EFHC1: variants seen among roughly 807,000 people sequenced by gnomAD.
EFHC1 encodes the protein EF-hand domain-containing protein 1.
EFHC1 carries 53 observed loss-of-function variants against 69.9 expected under a neutral mutation model. That is an observed-to-expected ratio of 0.76 (90% CI 0.61 to 0.95). The LOEUF is 0.95. EFHC1 is among the 40% of genes least tolerant of loss of function. EFHC1 has a pLI of 0.00. For synonymous variants in EFHC1, 256 were observed against 278.4 expected (o/e 0.92, Z 0.80); for missense variants, 739 against 798.7 (o/e 0.93, Z 0.90).
chr6:52,494,154 AT>A lies in EFHC1; in HGVS notation c.*1814del. On this transcript the variant is annotated 3_prime_UTR_variant, in exon 11 of 11. Transcript: ENST00000371068. ...CTCAATAAACTCACGTAAGTAAAAA[AT>A]ATCACAAGTTGAAAACACATTTAAT... 2 of 454,102 alleles carry A rather than the reference AT, an allele frequency of 4.4e-6. No individual in the cohort carries two copies. The highest frequency in any genetic ancestry group is 1.6e-5 in the South Asian group (1 of 64,478). The allele number at this position is 454,102 out of a possible 1,614,324, so 28.1% of individuals were successfully genotyped here.
intron 9 of EFHC1, among the ~76,000 whole-genome samples, chr6:52,480,685 G>A (rs1237436240): frequency 6.6e-6 from 1 of 152,124 alleles, no homozygotes; most frequent in African/African-American, 2.4e-5. Flanking sequence ...AACACTTGAG[G>A]GGAGTTAGCT....
chr6:52,422,037 C>A (rs1764202151), intron 1 of EFHC1, among the ~76,000 whole-genome samples: 2 of 152,146 alleles, frequency 1.3e-5, no homozygotes, highest in African/African-American at 2.4e-5. Flanking sequence ...AAAGCATCGT[C>A]AGTATATCTT....
At chr6:52,439,522 C>T (rs1234276925) in intron 3 of EFHC1, among the ~76,000 whole-genome samples, 1 of 152,104 alleles carries the variant, frequency 6.6e-6, no homozygotes, top group East Asian at 1.9e-4. Context: ...TTCTCCTTTC[C>T]TTGCATGTTA....
intron 3 of EFHC1, among the ~76,000 whole-genome samples, chr6:52,441,511 A>G (rs1257408973): frequency 2.0e-5 from 3 of 152,088 alleles, no homozygotes; most frequent in African/African-American, 4.8e-5. Context: ...GTAGCCCTGT[A>G]GTATAGTTTG....
intron 2 of EFHC1, among the ~76,000 whole-genome samples, chr6:52,437,969 G>T (rs749610741): frequency 2.6e-5 from 4 of 152,052 alleles, no homozygotes; most frequent in African/African-American, 9.7e-5. Flanking sequence ...ACAAAAAAGC[G>T]TAAATTATTT....
chr6:52,443,270 G>A (rs899937942), intron 3 of EFHC1, among the ~76,000 whole-genome samples: 3 of 152,190 alleles, frequency 2.0e-5, no homozygotes, highest in African/African-American at 7.2e-5. Flanking sequence ...TTATTTTGCT[G>A]TGCAGAAGCT....
At chr6:52,484,620 C>T (rs929874190) in intron 9 of EFHC1, 1 of 152,144 alleles carries the variant, frequency 6.6e-6, no homozygotes, top group Non-Finnish European at 1.5e-5. Flanking sequence ...AGTAAAAAGA[C>T]AAATAATGAC....
chr6:52,464,587 C>T (rs570981237), intron 5 of EFHC1, among the ~76,000 whole-genome samples: 1 of 152,288 alleles, frequency 6.6e-6, no homozygotes, highest in East Asian at 1.9e-4. Flanking sequence ...TACAGAAGGA[C>T]ATTTGTTCTT....
intron 2 of EFHC1, among the ~76,000 whole-genome samples, chr6:52,428,639 A>G (rs927765663): frequency 2.0e-5 from 3 of 152,232 alleles, no homozygotes; most frequent in African/African-American, 7.2e-5. Flanking sequence ...TTGTGCTGCT[A>G]TAAACATGCA....
At chr6:52,422,809 G>A (rs940965165) in intron 1 of EFHC1, among the ~76,000 whole-genome samples, 9 of 151,948 alleles carry the variant, frequency 5.9e-5, no homozygotes, top group Non-Finnish European at 1.2e-4. Flanking sequence ...TAATACAGAG[G>A]ACCAAACCAG....
intron 7 of EFHC1, among the ~76,000 whole-genome samples, chr6:52,473,664 C>A (rs1008562362): frequency 3.3e-5 from 5 of 152,066 alleles, no homozygotes; most frequent in Non-Finnish European, 7.4e-5. Context: ...CGCCTGTAGT[C>A]CCAGCCACTT....
rs1310498032 is a variant in EFHC1, at chr6:52,492,946, C to T, written c.*605C>T. ...ATATTTCATTATTCTGGGGGTTTCT[C>T]TGAAGGTATTTTTCGATGAGATAAA... On this transcript the variant is annotated 3_prime_UTR_variant, in exon 11 of 11. Coordinates refer to ENST00000371068, the MANE Select transcript of EFHC1 (RefSeq NM_018100.4). 2.2e-6 allele frequency: 1 copy of T among 454,086 alleles called. No homozygotes were observed. Among genetic ancestry groups the T allele is most frequent in the East Asian group, 6.9e-5 (1 of 14,400 alleles). The allele number at this position is 454,086 out of a possible 1,614,324, so 28.1% of individuals were successfully genotyped here.
At chr6:52,476,071 T>C (rs1562461094) in intron 7 of EFHC1, among the ~76,000 whole-genome samples, 1 of 151,772 alleles carries the variant, frequency 6.6e-6, no homozygotes, top group Non-Finnish European at 1.5e-5. Context: ...GTGCAGTGAA[T>C]GGAGGGCAAA....
chr6:52,443,647 ATC>A lies in EFHC1; in HGVS notation c.573+5060_573+5061del, dbSNP rs534013424. 1.5e-3 allele frequency among the ~76,000 whole-genome samples: 233 copies of A among 152,234 alleles called. 1 individual carries two copies. The highest frequency in any genetic ancestry group is 5.5e-3 in the African/African-American group (228 of 41,544). ...GCTCTGTTCTGTTCCATTGGTCTAT[ATC>A]TCTGTTTTGGTACCAGTACCATGTT... On this transcript the variant is annotated intron_variant, in intron 3 of 10. Transcript: ENST00000371068.
chr6:52,461,117 GT>G, intron 5 of EFHC1, among the ~76,000 whole-genome samples: 1 of 152,024 alleles, frequency 6.6e-6, no homozygotes, highest in South Asian at 2.1e-4. Context: ...GTGCAGGTTT[GT>G]TTTATGAGTG....
chr6:52,467,184 T>C (rs1053134927), intron 6 of EFHC1, among the ~76,000 whole-genome samples: 1 of 149,122 alleles, frequency 6.7e-6, no homozygotes, highest in Non-Finnish European at 1.5e-5. Flanking sequence ...ACTTTGACTT[T>C]TTTTTTTTTT....
chr6:52,441,408 T>TTA (rs749157501), intron 3 of EFHC1, among the ~76,000 whole-genome samples: 1 of 152,192 alleles, frequency 6.6e-6, no homozygotes, highest in Non-Finnish European at 1.5e-5. Flanking sequence ...GATCACATAA[T>TTA]TATAGGTGTG....
intron 6 of EFHC1, 42 bp from the exon 7 acceptor site, chr6:52,469,291 A>G: frequency 6.2e-7 from 1 of 1,612,838 alleles, no homozygotes; most frequent in East Asian, 2.2e-5. Context: ...ATCTTAACAC[A>G]AGTAGTATCT....
intron 6 of EFHC1, among the ~76,000 whole-genome samples, chr6:52,466,090 C>T (rs1422672722): frequency 6.6e-6 from 1 of 151,960 alleles, no homozygotes. Context: ...ATGATATCCA[C>T]TCATGAAATG....
Sources: gnomAD v4.1 joint callset for allele counts (sites outside exome capture counted in the v4.1 genomes callset) on GRCh38, gnomAD v4.1.1 for gene constraint, MANE v1.5 for transcripts, NCBI Gene and HGNC (gene_info 2026-07-23, HGNC 2026-07-21) for gene names.